The following ILDR2 variants were observed in gnomAD, a reference collection of about 807,000 sequenced individuals.
ILDR2 encodes the protein immunoglobulin like domain containing receptor 2, also known as immunoglobulin-like domain-containing receptor 2.
ILDR2 carries 25 observed loss-of-function variants against 66.8 expected under a neutral mutation model. The observed-to-expected ratio is 0.37, with a 90% CI of 0.27 to 0.52. ILDR2 has a LOEUF of 0.52. ILDR2 is among the 20% of genes least tolerant of loss of function. ILDR2 has a pLI of 0.88. For missense variants in ILDR2, 827 were observed against 876.8 expected, an observed-to-expected ratio of 0.94 and a Z score of 0.72; for synonymous variants, 367 against 357.2, an observed-to-expected ratio of 1.03 and a Z score of -0.31.
At position 166,914,932 on chromosome 1, in the gene ILDR2, A is replaced by G. The variant is rs1195705953; in HGVS notation, c.*4423T>C. On this transcript the variant is annotated 3_prime_UTR_variant, in exon 10 of 10. Coordinates refer to ENST00000271417, the MANE Select transcript of ILDR2 (RefSeq NM_199351.3). ...ATTCTTGTCCACCCAACTTTAGGTA[A>G]GACCAAAGTGGGAGTGCTATTGGCC... 6.6e-6 allele frequency: 1 copy of G among 152,254 alleles called. No individual in the cohort carries two copies. The highest frequency in any genetic ancestry group is 2.4e-5 in the African/African-American group (1 of 41,468). The allele number at this position is 152,254 out of a possible 1,614,324, so 9.4% of individuals were successfully genotyped here.
chr1:166,914,351 G>C lies in ILDR2; in HGVS notation c.*5004C>G, dbSNP rs80043407. ...TGGAATCTGGAATACCCAGATTCCA[G>C]TCCCATGAGTATTTAAGGAATTGGA... On this transcript the variant is annotated 3_prime_UTR_variant, in exon 10 of 10. Coordinates refer to ENST00000271417, the MANE Select transcript of ILDR2 (RefSeq NM_199351.3). 6.6e-6 allele frequency: 1 copy of C among 152,138 alleles called. No individual in the cohort carries two copies. Among genetic ancestry groups the C allele is most frequent in the Admixed American group, 6.5e-5 (1 of 15,278 alleles). The allele number at this position is 152,138 out of a possible 1,614,324, so 9.4% of individuals were successfully genotyped here.
rs897425366 is a variant in ILDR2 at position 166,921,191 on chromosome 1, C to T, written c.1400G>A (p.Gly467Asp). Residue 467 changes from glycine (G) to aspartate (D), a missense_variant, in exon 9 of 10, where the codon GGC (glycine) becomes GAC (aspartate). Gly to Asp is a moderately conservative substitution (Grantham distance 94). Around this residue, in one of 2 missense-constraint regions of ILDR2, gnomAD observed 390 missense variants for 353.6 expected, o/e 1.10. Transcript: ENST00000271417. This position sits in a 1 kb window ranked among gnomAD's most constrained non-coding sequence, Gnocchi z 5.3. Reference sequence around the variant, plus strand: ...CTCCAAGGAGTCGTCCTGGTAGAAGCCGCTGTGCGCCCGCGACTCCGAGCG... The same window carrying T: ...CTCCAAGGAGTCGTCCTGGTAGAAGTCGCTGTGCGCCCGCGACTCCGAGCG... Reference protein sequence around the residue: ...FERSESRAHSGFYQDDSLEEY... With the variant: ...FERSESRAHSDFYQDDSLEEY... 2 of 1,573,260 alleles carry T rather than the reference C, an allele frequency of 1.3e-6. No individual in the cohort carries two copies. Among genetic ancestry groups the T allele is most frequent in the Admixed American group, 1.8e-5 (1 of 55,692 alleles).
chr1:166,932,920 T>C (rs1660719254), intron 6 of ILDR2, among the ~76,000 whole-genome samples: 1 of 152,226 alleles, frequency 6.6e-6, no homozygotes, highest in Non-Finnish European at 1.5e-5. Context: ...ATAATCTACA[T>C]GGAACACTGG....
At chr1:166,947,263 G>A (rs1661669843) in intron 3 of ILDR2, among the ~76,000 whole-genome samples, 1 of 152,182 alleles carries the variant, frequency 6.6e-6, no homozygotes, top group Non-Finnish European at 1.5e-5. Context: ...TGAAGTCACT[G>A]TGCTCCATCC....
At chr1:166,937,847 T>C (rs2101909591) in intron 4 of ILDR2, among the ~76,000 whole-genome samples, 1 of 152,334 alleles carries the variant, frequency 6.6e-6, no homozygotes, top group South Asian at 2.1e-4. Flanking sequence ...ACAATGAACC[T>C]CAAGCACACA....
chr1:166,922,101 C>T (rs1356602521), intron 8 of ILDR2, among the ~76,000 whole-genome samples: 2 of 151,894 alleles, frequency 1.3e-5, no homozygotes, highest in Non-Finnish European at 2.9e-5. Flanking sequence ...GGCATTTTAC[C>T]TTTCATATAC....
chr1:166,973,099 C>T (rs1296571446), intron 1 of ILDR2, among the ~76,000 whole-genome samples: 2 of 152,086 alleles, frequency 1.3e-5, no homozygotes, highest in East Asian at 3.9e-4. Context: ...AGAGGATGAT[C>T]AATGGGATCC....
chr1:166,957,811 G>C lies in ILDR2; in HGVS notation c.337C>G (p.Leu113Val). The change falls in exon 2 of 10, where the codon CTG (leucine) becomes GTG (valine). Residue 113 changes from leucine to valine, a missense_variant. Around this residue, in one of 2 missense-constraint regions of ILDR2, gnomAD observed 437 missense variants for 523.2 expected, o/e 0.84. Coordinates refer to ENST00000271417, the MANE Select transcript of ILDR2 (RefSeq NM_199351.3). ...VASKQGSTVTLGDFYRGREIT... is the reference protein window; with the variant it reads ...VASKQGSTVTVGDFYRGREIT... ...TCTCTGCCCCTGTAGAAATCTCCCAGGGTGACAGTCGAGCCCTGTTTTGAA... is the reference window on the plus strand; with the variant it reads ...TCTCTGCCCCTGTAGAAATCTCCCACGGTGACAGTCGAGCCCTGTTTTGAA... The C allele has an allele frequency of 6.2e-7, 1 of 1,614,092 alleles. No homozygotes were observed. Among genetic ancestry groups the C allele is most frequent in the African/African-American group, 1.3e-5 (1 of 75,030 alleles).
At chr1:166,974,472 G>A (rs990622087) in intron 1 of ILDR2, among the ~76,000 whole-genome samples, 15 of 152,200 alleles carry the variant, frequency 9.9e-5, no homozygotes, top group African/African-American at 3.4e-4. Flanking sequence ...GGGCACAGAG[G>A]ACCCAGCTAG....
At chr1:166,945,009 T>G (rs1661531991) in intron 3 of ILDR2, among the ~76,000 whole-genome samples, 1 of 152,140 alleles carries the variant, frequency 6.6e-6, no homozygotes, top group South Asian at 2.1e-4. Flanking sequence ...CAATAGCAAA[T>G]CCCCTTGTTC....
chr1:166,908,836 A>T lies in ILDR2; in HGVS notation c.*10519T>A, dbSNP rs1215663302. The T allele has an allele frequency of 6.6e-6, 1 of 152,232 alleles. No individual in the cohort carries two copies. Among genetic ancestry groups the T allele is most frequent in the African/African-American group, 2.4e-5 (1 of 41,462 alleles). 9.4% of individuals were successfully genotyped at this position (152,232 alleles called of 1,614,324 possible). On this transcript the variant is annotated 3_prime_UTR_variant, in exon 10 of 10. Coordinates refer to ENST00000271417, the MANE Select transcript of ILDR2 (RefSeq NM_199351.3). Reference sequence around the variant, plus strand: ...ACTGTGGTAAAAACAGCCTCCCTGAAGCCTTGGGTTGGAATAATACGTGTG... The same window carrying T: ...ACTGTGGTAAAAACAGCCTCCCTGATGCCTTGGGTTGGAATAATACGTGTG...
rs140626242 is a variant in ILDR2 at position 166,946,409 on chromosome 1, C to T, written c.500-6839G>A. On this transcript the variant is annotated intron_variant, in intron 3 of 9. Coordinates refer to ENST00000271417, the MANE Select transcript of ILDR2 (RefSeq NM_199351.3). ...TCTTAAAGGAGAATAATTCTGAAAC[C>T]GAATTCTATCCATAAAATAACTAGT... Among the ~76,000 whole-genome samples, 1,325 of 152,174 alleles carry T rather than the reference C, an allele frequency of 8.7e-3. 7 individuals are homozygous for T. Among genetic ancestry groups the T allele is most frequent in the Middle Eastern group, 0.024 (7 of 294 alleles).
intron 3 of ILDR2, among the ~76,000 whole-genome samples, chr1:166,952,685 G>A (rs1253063983): frequency 6.6e-6 from 1 of 152,150 alleles, no homozygotes; most frequent in Non-Finnish European, 1.5e-5. Flanking sequence ...GTTGTGGGCA[G>A]TTTGACTAAG....
At chr1:166,957,141 A>G (rs1662326378) in intron 2 of ILDR2, among the ~76,000 whole-genome samples, 1 of 152,262 alleles carries the variant, frequency 6.6e-6, no homozygotes, top group Non-Finnish European at 1.5e-5. Flanking sequence ...CCAGGCCTGC[A>G]GAGGCCCCTA....
At position 166,975,284 on chromosome 1, in the gene ILDR2, A is replaced by T. The variant is rs1663528482; in HGVS notation, c.-16T>A. The T allele has an allele frequency of 6.2e-7, 1 of 1,612,162 alleles. No individual in the cohort carries two copies. Among genetic ancestry groups the T allele is most frequent in the African/African-American group, 1.3e-5 (1 of 74,880 alleles). ...CCCTATCCATCTTCCCCAACTTCCC[A>T]GCCGAATTACGGAGTGAGGAAAGTG... On this transcript the variant is annotated 5_prime_UTR_variant, in exon 1 of 10. Coordinates refer to ENST00000271417, the MANE Select transcript of ILDR2 (RefSeq NM_199351.3).
intron 6 of ILDR2, among the ~76,000 whole-genome samples, chr1:166,934,775 C>T (rs1233430233): frequency 6.6e-6 from 1 of 152,268 alleles, no homozygotes; most frequent in African/African-American, 2.4e-5. Flanking sequence ...TTTCCTAAAT[C>T]CTATTCATTC....
At chr1:166,907,756 A>T (rs1278105000), downstream of ILDR2, among the ~76,000 whole-genome samples, 1 of 152,240 alleles carries the variant, frequency 6.6e-6, no homozygotes. Flanking sequence ...ATTTTGAGTG[A>T]CATAGCCCTA....
downstream of ILDR2, among the ~76,000 whole-genome samples, chr1:166,905,381 C>T (rs1007254169): frequency 6.6e-6 from 1 of 152,208 alleles, no homozygotes; most frequent in African/African-American, 2.4e-5. Flanking sequence ...TTGGTATGCA[C>T]TGAAGGAGAA....
chr1:166,971,621 G>A (rs767109682), intron 1 of ILDR2, among the ~76,000 whole-genome samples: 17 of 152,018 alleles, frequency 1.1e-4, no homozygotes, highest in African/African-American at 2.7e-4. Flanking sequence ...CATCGTGCCC[G>A]GCTAATTTTT....
Sources: gnomAD v4.1 joint callset for allele counts (sites outside exome capture counted in the v4.1 genomes callset) on GRCh38, gnomAD v4.1.1 for gene constraint, gnomAD v4.1.1 regional missense constraint, Gnocchi (gnomAD v3.1) non-coding constraint, MANE v1.5 for transcripts, NCBI Gene and HGNC (gene_info 2026-07-23, HGNC 2026-07-21) for gene names.